The following PACS2 variants were observed in gnomAD, a reference collection of about 807,000 sequenced individuals.
The protein encoded by PACS2 is PACS1-like protein.
A neutral mutation model predicts 113.0 loss-of-function variants in PACS2; 36 were observed. The ratio of observed to expected loss-of-function variants is 0.32; its 90% CI spans 0.24 to 0.42. The LOEUF is 0.42. PACS2 is among the 10% of genes least tolerant of loss of function. The probability of loss-of-function intolerance (pLI) is 1.00; values close to 1 mark genes in which losing one functional copy is unlikely to be tolerated. For synonymous variants in PACS2, 589 were observed against 536.1 expected, an observed-to-expected ratio of 1.10 and a Z score of -1.36; for missense variants, 1,015 against 1,239.5, an observed-to-expected ratio of 0.82 and a Z score of 2.72.
chr14:105,367,925 C>T (rs587744584), intron 5 of PACS2, 149 bp from the exon 6 acceptor site: 65 of 661,432 alleles, frequency 9.8e-5, no homozygotes, highest in South Asian at 2.4e-4. Context: ...CTCGGGGCCA[C>T]GGCACCTGTG....
At position 105,380,124 on chromosome 14, in the gene PACS2, G is replaced by A. The variant is rs1275592803; in HGVS notation, c.1095G>A (p.Pro365=). ...CGCGGTCCCTGGGAGGCAGGCAGCC[G>A]AGCGACAGTGTCTCTGACACGGTGG... is the stretch of plus-strand genomic sequence containing the variant. ...EKTRSLGGRQ[P]SDSVSDTVAL... is the part of the protein sequence containing the mutation. Residue 365 remains proline, a synonymous_variant, in exon 11 of 25, where the codon CCG becomes CCA. Transcript: ENST00000447393. The A allele has an allele frequency of 5.2e-6, 8 of 1,552,522 alleles. No individual in the cohort carries two copies. The highest frequency in any genetic ancestry group is 1.7e-4 in the Middle Eastern group (1 of 6,014).
chr14:105,331,385 C>A (rs1161086830), intron 1 of PACS2, among the ~76,000 whole-genome samples: 1 of 152,154 alleles, frequency 6.6e-6, no homozygotes, highest in Non-Finnish European at 1.5e-5. Context: ...GTTATTTCCT[C>A]CTCGGAAATT....
chr14:105,366,979 G>A lies in PACS2; in HGVS notation c.424-234G>A, dbSNP rs1555408069. Among the ~76,000 whole-genome samples, 1 of 152,094 alleles carries A rather than the reference G, an allele frequency of 6.6e-6. No individual in the cohort carries two copies. Among genetic ancestry groups the A allele is most frequent in the East Asian group, 1.9e-4 (1 of 5,188 alleles). ...ATGGCCCGTTCGTGAAAGCTCCCAC[G>A]TGTTCCTCTCGTCTGTCCGCCTGGC... On this transcript the variant is annotated intron_variant, in intron 4 of 24. Coordinates refer to ENST00000447393, the MANE Select transcript of PACS2 (RefSeq NM_001100913.3). The surrounding 1 kb of genome is among the most constrained non-coding windows in gnomAD (Gnocchi z 4.3).
At position 105,367,234 on chromosome 14, in the gene PACS2, G is replaced by A; in HGVS notation, c.445G>A (p.Gly149Ser). 1 of 1,613,098 alleles carries A rather than the reference G, an allele frequency of 6.2e-7. No individual in the cohort carries two copies. The highest frequency in any genetic ancestry group is 8.5e-7 in the Non-Finnish European group (1 of 1,180,004). The change falls in exon 5 of 25, where the codon GGT (glycine) becomes AGT (serine). Residue 149 changes from glycine (G) to serine (S), a missense_variant. Physicochemically the swap from Gly to Ser is moderately conservative, Grantham distance 56. This residue lies in a region of PACS2 where 859 missense variants were observed against 1,056.8 expected (regional missense o/e 0.81). Transcript: ENST00000447393. ...MAEVMQHPSE[G>S]GQVLSLCSSI... ...GCAGGTGATGCAACACCCGTCTGAAGGTGGCCAGGTGCTGAGCCTCTGCAG... is the reference window on the plus strand; with the variant it reads ...GCAGGTGATGCAACACCCGTCTGAAAGTGGCCAGGTGCTGAGCCTCTGCAG...
intron 1 of PACS2, among the ~76,000 whole-genome samples, chr14:105,322,126 C>CG (rs2058916510): frequency 6.6e-6 from 1 of 151,564 alleles, no homozygotes; most frequent in African/African-American, 2.4e-5. Flanking sequence ...TTAGTAGAGA[C>CG]GGGGTTTCAC....
Position 105,376,814 on chromosome 14 carries a change from A to G in PACS2, c.848A>G (p.Glu283Gly), listed in dbSNP as rs141446475. 5.0e-6 allele frequency: 8 copies of G among 1,613,248 alleles called. No individual in the cohort carries two copies. Among genetic ancestry groups the G allele is most frequent in the Admixed American group, 1.7e-5 (1 of 59,996 alleles). ...CCTGCGGAGCACATCCCCGAGGCAG[A>G]GGAGGACCTGGACCTCCTGTATGAC... is the stretch of plus-strand genomic sequence containing the variant. ...QDPAEHIPEA[E>G]EDLDLLYDTL... The change falls in exon 9 of 25, where the codon GAG (glutamate) becomes GGG (glycine). Residue 283 changes from glutamate to glycine, a missense_variant. Around this residue, in one of 3 missense-constraint regions of PACS2, gnomAD observed 859 missense variants for 1,056.8 expected, o/e 0.81. Transcript: ENST00000447393. This position sits in a 1 kb window ranked among gnomAD's most constrained non-coding sequence, Gnocchi z 4.7.
Position 105,391,724 on chromosome 14 carries a change from C to T in PACS2, c.2213C>T (p.Pro738Leu), listed in dbSNP as rs781856072. ...GCGGCCAAGGAGGCCTCACCCACCC[C>T]GCCCTCCTCCCCGTCGGTGAGCGGA... ...SPAAKEASPT[P>L]PSSPSVSGGL... is the part of the protein sequence containing the mutation. The change falls in exon 22 of 25, where the codon CCG (proline) becomes CTG (leucine). Residue 738 changes from proline to leucine, a missense_variant. Physicochemically the swap from Pro to Leu is moderately conservative, Grantham distance 98. Transcript: ENST00000447393. The T allele has an allele frequency of 1.1e-5, 17 of 1,597,922 alleles. No individual in the cohort carries two copies. The highest frequency in any genetic ancestry group is 8.0e-5 in the African/African-American group (6 of 74,642).
upstream of PACS2, among the ~76,000 whole-genome samples, chr14:105,313,677 C>T (rs1259463000): frequency 6.6e-6 from 1 of 152,238 alleles, no homozygotes; most frequent in Admixed American, 6.5e-5. Flanking sequence ...TCAATTTGCT[C>T]GGGCTGGATT....
intron 15 of PACS2, 173 bp from the exon 16 acceptor site, chr14:105,383,186 G>T (rs1566962950): frequency 9.2e-6 from 7 of 764,658 alleles, no homozygotes; most frequent in Non-Finnish European, 1.6e-5. Flanking sequence ...TGGTCCCTCA[G>T]CCTGGGCACG....
intron 9 of PACS2, among the ~76,000 whole-genome samples, chr14:105,377,867 G>A (rs1035801157): frequency 6.6e-6 from 1 of 152,244 alleles, no homozygotes; most frequent in Admixed American, 6.5e-5. Context: ...CGCTGGGCTC[G>A]GGTGGAGGTA....
At chr14:105,343,132 A>G (rs2059796091) in intron 1 of PACS2, among the ~76,000 whole-genome samples, 1 of 152,118 alleles carries the variant, frequency 6.6e-6, no homozygotes. Flanking sequence ...CCAGAGTGCC[A>G]TAGAGATGGA....
chr14:105,352,555 G>GC, intron 3 of PACS2, 88 bp downstream of exon 3: 3 of 712,616 alleles, frequency 4.2e-6, no homozygotes, highest in Non-Finnish European at 7.5e-6. Context: ...GGGGAGACGG[G>GC]CCCCCCTCAT....
chr14:105,301,875 G>T (rs1159501441), intron 1 of PACS2, among the ~76,000 whole-genome samples: 3 of 152,232 alleles, frequency 2.0e-5, no homozygotes, highest in African/African-American at 7.2e-5. Flanking sequence ...AGTGGCTCAC[G>T]CTTGTAATCC....
Position 105,324,588 on chromosome 14 carries a change from G to A in PACS2, c.119+9551G>A, listed in dbSNP as rs1378599763. Among the ~76,000 whole-genome samples, 4 of 152,202 alleles carry A rather than the reference G, an allele frequency of 2.6e-5. No individual in the cohort carries two copies. Among genetic ancestry groups the A allele is most frequent in the African/African-American group, 4.8e-5 (2 of 41,452 alleles). Reference sequence around the variant, plus strand: ...CCGTCCCTTTCTGCTCCGCAGGCGCGCGCCGATGTGTGCTCAGCTCAGGCC... The same window carrying A: ...CCGTCCCTTTCTGCTCCGCAGGCGCACGCCGATGTGTGCTCAGCTCAGGCC... On this transcript the variant is annotated intron_variant, in intron 1 of 24. Transcript: ENST00000447393. This position sits in a 1 kb window ranked among gnomAD's most constrained non-coding sequence, Gnocchi z 4.7.
chr14:105,363,639 C>A (rs2060815172), intron 4 of PACS2, among the ~76,000 whole-genome samples: 1 of 152,196 alleles, frequency 6.6e-6, no homozygotes, highest in Admixed American at 6.5e-5. Context: ...TCTCTCCACA[C>A]CGTCACTGAG....
chr14:105,313,293 C>G (rs587623882), upstream of PACS2, among the ~76,000 whole-genome samples: 3 of 152,314 alleles, frequency 2.0e-5, no homozygotes, highest in African/African-American at 7.2e-5. Context: ...TCACAGACAG[C>G]CTGTCCTCCT....
At chr14:105,322,286 A>G (rs1425171159) in intron 1 of PACS2, among the ~76,000 whole-genome samples, 1 of 148,508 alleles carries the variant, frequency 6.7e-6, no homozygotes, top group African/African-American at 2.5e-5. Context: ...CTCTTTTGAG[A>G]TGGAGTCTTG....
chr14:105,355,498 G>A lies in PACS2; in HGVS notation c.423+321G>A, dbSNP rs1364417413. Among the ~76,000 whole-genome samples the A allele has an allele frequency of 1.3e-5, 2 of 152,252 alleles. No individual in the cohort carries two copies. Among genetic ancestry groups the A allele is most frequent in the African/African-American group, 4.8e-5 (2 of 41,478 alleles). ...GCTGCTCTGGAGTCCTTCCCATGGA[G>A]GAATCGCTGCTGTCCCCACACCACG... is the stretch of plus-strand genomic sequence containing the variant. On this transcript the variant is annotated intron_variant, in intron 4 of 24. Transcript: ENST00000447393. This position sits in a 1 kb window ranked among gnomAD's most constrained non-coding sequence, Gnocchi z 4.1.
Position 105,340,988 on chromosome 14 carries a change from G to C in PACS2, c.120-7505G>C, listed in dbSNP as rs1251451702. ...GCATGGGGAGGCTCGCTACCAAGGGGTGGGGGGCTGGAGAACGGAGCTTGG... is the reference window on the plus strand; with the variant it reads ...GCATGGGGAGGCTCGCTACCAAGGGCTGGGGGGCTGGAGAACGGAGCTTGG... On this transcript the variant is annotated intron_variant, in intron 1 of 24. Coordinates refer to ENST00000447393, the MANE Select transcript of PACS2 (RefSeq NM_001100913.3). This position sits in a 1 kb window ranked among gnomAD's most constrained non-coding sequence, Gnocchi z 4.2. Among the ~76,000 whole-genome samples, 1 of 152,270 alleles carries C rather than the reference G, an allele frequency of 6.6e-6. No homozygotes were observed. Among genetic ancestry groups the C allele is most frequent in the Non-Finnish European group, 1.5e-5 (1 of 68,042 alleles).
Sources: gnomAD v4.1 joint callset for allele counts (sites outside exome capture counted in the v4.1 genomes callset) on GRCh38, gnomAD v4.1.1 for gene constraint, gnomAD v4.1.1 regional missense constraint, Gnocchi (gnomAD v3.1) non-coding constraint, MANE v1.5 for transcripts, NCBI Gene and HGNC (gene_info 2026-07-23, HGNC 2026-07-21) for gene names.